DCK: variants seen among roughly 807,000 people sequenced by gnomAD.
DCK encodes the protein deoxyadenosine kinase.
A neutral mutation model predicts 38.3 loss-of-function variants in DCK; 23 were observed. The observed-to-expected ratio is 0.60, with a 90% confidence interval of 0.43 to 0.85. The LOEUF (loss-of-function observed/expected upper bound fraction) is 0.85, where lower values mean the gene tolerates loss of function less well. Ranked by LOEUF, DCK falls within the 40% of genes least tolerant of loss-of-function variation. The pLI is 0.00. For missense variants in DCK, 259 were observed against 304.4 expected, an observed-to-expected ratio of 0.85 and a Z score of 1.11; for synonymous variants, 108 against 100.6, an observed-to-expected ratio of 1.07 and a Z score of -0.44.
chr4:71,013,889 G>A (rs1740171810), intron 2 of DCK, among the ~76,000 whole-genome samples: 1 of 152,114 alleles, frequency 6.6e-6, no homozygotes, highest in South Asian at 2.1e-4. Flanking sequence ...ATAATGACAG[G>A]ATCAAATTCA....
intron 2 of DCK, 77 bp downstream of exon 2, chr4:70,998,259 C>A: frequency 1.5e-6 from 1 of 650,152 alleles, no homozygotes; most frequent in Non-Finnish European, 2.6e-6. Flanking sequence ...TTTTCTTTTT[C>A]TTTTTCAATA....
chr4:70,999,189 G>A (rs1328827643), intron 2 of DCK, among the ~76,000 whole-genome samples: 1 of 151,978 alleles, frequency 6.6e-6, no homozygotes, highest in Non-Finnish European at 1.5e-5. Context: ...CCCACCGACA[G>A]GCCCTGGTGT....
intron 2 of DCK, among the ~76,000 whole-genome samples, chr4:71,017,877 A>G (rs1740312791): frequency 1.3e-5 from 2 of 152,072 alleles, no homozygotes; most frequent in South Asian, 2.1e-4. Flanking sequence ...ATGTATACAT[A>G]TGTAACAAAC....
At chr4:71,007,893 A>G (rs1336284152) in intron 2 of DCK, among the ~76,000 whole-genome samples, 1 of 151,960 alleles carries the variant, frequency 6.6e-6, no homozygotes, top group Non-Finnish European at 1.5e-5. Flanking sequence ...GGCTTGGCTA[A>G]TTTTTGTATT....
At position 71,022,407 on chromosome 4, in the gene DCK, AGAT is replaced by A. The variant is rs761568541; in HGVS notation, c.253_255del (p.Met85del). Reference sequence around the variant, plus strand: ...CAGAAAAATGGTGGGAATGTTCTTCAGATGATGTATGAGAAACCTGAACGATGG... The same window carrying A: ...CAGAAAAATGGTGGGAATGTTCTTCAGATGTATGAGAAACCTGAACGATGG... On this transcript the variant is annotated inframe_deletion, in exon 3 of 7. Coordinates refer to ENST00000286648, the MANE Select transcript of DCK (RefSeq NM_000788.3). The A allele has an allele frequency of 2.5e-6, 4 of 1,582,304 alleles. No homozygotes were observed. The highest frequency in any genetic ancestry group is 3.4e-6 in the Non-Finnish European group (4 of 1,167,886).
At chr4:71,024,457 C>G (rs1346881220) in intron 4 of DCK, among the ~76,000 whole-genome samples, 2 of 152,058 alleles carry the variant, frequency 1.3e-5, no homozygotes, top group Admixed American at 1.3e-4. Flanking sequence ...GCGTGCATTT[C>G]TATTGTTTCT....
chr4:71,018,914 C>T (rs371027724), intron 2 of DCK, among the ~76,000 whole-genome samples: 1 of 152,012 alleles, frequency 6.6e-6, no homozygotes, highest in African/African-American at 2.4e-5. Context: ...TTAAGTGATC[C>T]GCCTGCCTCG....
chr4:71,012,235 G>T (rs2148915686), intron 2 of DCK, among the ~76,000 whole-genome samples: 1 of 152,310 alleles, frequency 6.6e-6, no homozygotes, highest in East Asian at 1.9e-4. Context: ...GCCCACCATT[G>T]CTGAGGCTTG....
chr4:70,994,768 C>G lies in DCK; in HGVS notation c.91+842C>G, dbSNP rs181915778. On this transcript the variant is annotated intron_variant, in intron 1 of 6. Coordinates refer to ENST00000286648, the MANE Select transcript of DCK (RefSeq NM_000788.3). The stretch of plus-strand genomic sequence containing the variant: ...CTTAATAGCATGGAGTTCCTCACCC[C>G]TTACTCCACATCCAAGTAAACATTG... Among the ~76,000 whole-genome samples, 126 of 152,280 alleles carry G rather than the reference C, an allele frequency of 8.3e-4. 2 individuals carry two copies. The highest frequency in any genetic ancestry group is 2.9e-3 in the African/African-American group (122 of 41,552).
chr4:71,022,116 A>G (rs1405543561), intron 2 of DCK, among the ~76,000 whole-genome samples: 1 of 152,238 alleles, frequency 6.6e-6, no homozygotes, highest in Non-Finnish European at 1.5e-5. Flanking sequence ...GGACTTTTGG[A>G]CCAAACAATG....
chr4:71,030,383 G>A lies in DCK; in HGVS notation c.*1005G>A, dbSNP rs1016624784. On this transcript the variant is annotated 3_prime_UTR_variant, in exon 7 of 7. Transcript: ENST00000286648. ...CATTTTACGTTTTAGAAAATTTTAT[G>A]TATTTTAAAATAAGGGGAAGAGTCA... 1.1e-4 allele frequency: 16 copies of A among 151,968 alleles called. No homozygotes were observed. Among genetic ancestry groups the A allele is most frequent in the Admixed American group, 4.6e-4 (7 of 15,260 alleles). 9.4% of individuals were successfully genotyped at this position (151,968 alleles called of 1,614,324 possible). A position where few individuals can be genotyped will look rare whatever the true frequency, so the allele number is the denominator to read the frequency against.
chr4:70,999,880 T>A (rs548237675), intron 2 of DCK, among the ~76,000 whole-genome samples: 1 of 152,208 alleles, frequency 6.6e-6, no homozygotes, highest in Non-Finnish European at 1.5e-5. Context: ...TGTTTTTTTT[T>A]CTTGTAAATT....
chr4:71,017,685 A>T (rs190854580), intron 2 of DCK, among the ~76,000 whole-genome samples: 37 of 150,938 alleles, frequency 2.5e-4, no homozygotes, highest in African/African-American at 9.0e-4. Flanking sequence ...AGGGAAAAAA[A>T]ACAAAACACT....
intron 2 of DCK, among the ~76,000 whole-genome samples, chr4:71,007,421 C>G (rs1455331344): frequency 1.3e-5 from 2 of 152,166 alleles, no homozygotes; most frequent in Non-Finnish European, 2.9e-5. Context: ...CCAGAAATCC[C>G]TGTTCGCCTT....
In DCK at chr4:71,021,124, G is replaced by A. The variant is rs547912237; in HGVS notation, c.208-1243G>A. ...CGCTCTGTCGCCCAGGCTGGACTGC[G>A]GACTGCAGTGGCGCAATCTCGGCTC... On this transcript the variant is annotated intron_variant, in intron 2 of 6. Coordinates refer to ENST00000286648, the MANE Select transcript of DCK (RefSeq NM_000788.3). 2.3e-4 allele frequency among the ~76,000 whole-genome samples: 34 copies of A among 148,586 alleles called. No individual in the cohort carries two copies. In the South Asian group the frequency reaches 4.5e-3, roughly 20 times the overall value.
intron 1 of DCK, among the ~76,000 whole-genome samples, chr4:70,996,776 T>C (rs897375915): frequency 3.9e-5 from 6 of 152,238 alleles, no homozygotes; most frequent in Admixed American, 1.3e-4. Flanking sequence ...TGTTCCCTTA[T>C]GTTAGATTGA....
At position 71,026,715 on chromosome 4, in the gene DCK, A is replaced by G. The variant is rs1437554627; in HGVS notation, c.716A>G (p.Asn239Ser). 6.3e-7 allele frequency: 1 copy of G among 1,583,476 alleles called. No individual in the cohort carries two copies. Among genetic ancestry groups the G allele is most frequent in the South Asian group, 1.1e-5 (1 of 88,880 alleles). The change falls in exon 6 of 7, where the codon AAT (asparagine) becomes AGT (serine). Residue 239 changes from asparagine to serine, a missense_variant. Transcript: ENST00000286648. ...GTGCCTATCTTAACACTGGATGTTA[A>G]TGAAGACTTTAAAGACAAATATGAA... is the stretch of plus-strand genomic sequence containing the variant. ...QEVPILTLDV[N>S]EDFKDKYESL... is the part of the protein sequence containing the mutation.
chr4:71,025,840 C>CG lies in DCK; in HGVS notation c.578dup (p.Arg194LysfsTer3). The CG allele has an allele frequency of 6.2e-7, 1 of 1,608,948 alleles. No homozygotes were observed. Among genetic ancestry groups the CG allele is most frequent in the African/African-American group, 1.3e-5 (1 of 74,758 alleles). On this transcript the variant is annotated frameshift_variant, in exon 5 of 7. Coordinates refer to ENST00000286648, the MANE Select transcript of DCK (RefSeq NM_000788.3). LOFTEE classifies it high-confidence loss of function. ...GACATGCTTACATAGAATATATTTA[C>CG]GGGGAAGAAATGAAGAGCAAGGCAT...
At position 71,029,441 on chromosome 4, in the gene DCK, A is replaced by G. The variant is rs1055280021; in HGVS notation, c.*63A>G. 2.5e-6 allele frequency: 3 copies of G among 1,185,784 alleles called. No individual in the cohort carries two copies. Among genetic ancestry groups the G allele is most frequent in the Non-Finnish European group, 3.7e-6 (3 of 803,556 alleles). The allele number at this position is 1,185,784 out of a possible 1,614,324, so 73.5% of individuals were successfully genotyped here. On this transcript the variant is annotated 3_prime_UTR_variant, in exon 7 of 7. Coordinates refer to ENST00000286648, the MANE Select transcript of DCK (RefSeq NM_000788.3). ...TACTTCAGCTTTGTGTATCTTCGTA[A>G]CTTCATATTAATATAAGTTTCTTTA...
Sources: allele counts gnomAD v4.1 joint callset (sites outside exome capture counted in the v4.1 genomes callset), GRCh38; gene constraint gnomAD v4.1.1; transcripts MANE v1.5; gene names NCBI Gene and HGNC (gene_info 2026-07-23, HGNC 2026-07-21).